Variants in ROBO1 observed in about 807,000 individuals in gnomAD.
ROBO1 encodes the protein roundabout homolog 1.
In ROBO1, 149 loss-of-function variants were observed where a neutral mutation model predicts 195.9. The observed-to-expected ratio is 0.76, with a 90% CI of 0.67 to 0.87. The LOEUF is 0.87. Ranked by LOEUF, ROBO1 falls within the 40% of genes least tolerant of loss-of-function variation. The pLI, the probability that ROBO1 is intolerant of heterozygous loss-of-function variation, is 0.00. For synonymous variants in ROBO1, 816 were observed against 733.2 expected (o/e 1.11, Z -1.82); for missense variants, 1,933 against 2,068.3 (o/e 0.93, Z 1.27).
intron 10 of ROBO1, among the ~76,000 whole-genome samples, chr3:78,679,315 G>A (rs2107780780): frequency 6.6e-6 from 1 of 152,194 alleles, no homozygotes; most frequent in East Asian, 1.9e-4. Flanking sequence ...AGTGTTGGAA[G>A]TTCTGGCCAG....
chr3:79,713,090 TATTTTAAGA>T (rs1702339281), intron 1 of ROBO1, among the ~76,000 whole-genome samples: 1 of 143,862 alleles, frequency 7.0e-6, no homozygotes, highest in African/African-American at 2.6e-5. Context: ...CCCACTTGAG[TATTTTAAGA>T]CCACTGTTGA....
chr3:79,568,299 A>C (rs1051669273), intron 2 of ROBO1, among the ~76,000 whole-genome samples: 5 of 152,168 alleles, frequency 3.3e-5, no homozygotes, highest in African/African-American at 4.8e-5. Context: ...GAGTACCCTT[A>C]TAAAGGGGCA....
chr3:79,705,087 T>C (rs986853741), intron 1 of ROBO1, among the ~76,000 whole-genome samples: 4 of 152,054 alleles, frequency 2.6e-5, no homozygotes, highest in Admixed American at 6.6e-5. Flanking sequence ...ACAATAATCC[T>C]TTTCAGATTT....
At chr3:79,382,453 G>A in intron 2 of ROBO1, among the ~76,000 whole-genome samples, 1 of 151,806 alleles carries the variant, frequency 6.6e-6, no homozygotes, top group East Asian at 1.9e-4. Context: ...AGATATTCAA[G>A]AGTCTTGAAT....
Position 78,842,158 on chromosome 3 carries a change from G to A in ROBO1, c.500-95258C>T, listed in dbSNP as rs1326424985. 1.0e-4 allele frequency among the ~76,000 whole-genome samples: 12 copies of A among 114,816 alleles called. 1 individual carries two copies. The highest frequency in any genetic ancestry group is 2.7e-4 in the African/African-American group (8 of 29,790). 75.3% of individuals were successfully genotyped at this position (114,816 alleles called of 152,430 possible). On this transcript the variant is annotated intron_variant, in intron 4 of 30. Transcript: ENST00000464233. ...CAATTTGTTTTTTTTTTTTTTTTGC[G>A]CACACACACACGTACTATATATATA...
In ROBO1 at chr3:78,670,106, C is replaced by G; in HGVS notation, c.1538G>C (p.Arg513Pro). Residue 513 changes from arginine to proline, a missense_variant, in exon 11 of 31, where the codon CGA becomes CCA. By Grantham distance (103) the Arg-to-Pro change is moderately radical. Transcript: ENST00000464233. ...GCCATTCCAAGTTACCTTAGCATAT[C>G]GGATCTGCAGTACTCCATTCTCCAA... Reference protein sequence around the residue: ...KQLENGVLQIRYAKLGDTGRY... With the variant: ...KQLENGVLQIPYAKLGDTGRY... The G allele has an allele frequency of 6.2e-7, 1 of 1,604,618 alleles. No homozygotes were observed. The highest frequency in any genetic ancestry group is 1.1e-5 in the South Asian group (1 of 90,382).
chr3:79,474,556 A>G (rs1938448565), intron 2 of ROBO1, among the ~76,000 whole-genome samples: 1 of 152,140 alleles, frequency 6.6e-6, no homozygotes, highest in South Asian at 2.1e-4. Context: ...AATGTTAGGC[A>G]GCATTAGCTA....
At chr3:79,468,343 T>C (rs1938084176) in intron 2 of ROBO1, among the ~76,000 whole-genome samples, 1 of 152,160 alleles carries the variant, frequency 6.6e-6, no homozygotes, top group Non-Finnish European at 1.5e-5. Flanking sequence ...ACTATAATTA[T>C]CCATATTCTA....
At chr3:79,468,753 A>G (rs1938107087) in intron 2 of ROBO1, among the ~76,000 whole-genome samples, 1 of 152,138 alleles carries the variant, frequency 6.6e-6, no homozygotes, top group Admixed American at 6.6e-5. Context: ...CTGGAATTGG[A>G]TTTGTACAGA....
chr3:79,186,680 G>A (rs1217751842), intron 2 of ROBO1, among the ~76,000 whole-genome samples: 1 of 152,118 alleles, frequency 6.6e-6, no homozygotes, highest in African/African-American at 2.4e-5. Context: ...AGTGAAATGT[G>A]AGCAGAAGAT....
intron 1 of ROBO1, among the ~76,000 whole-genome samples, chr3:79,597,432 T>G (rs890618259): frequency 1.3e-5 from 2 of 152,150 alleles, no homozygotes; most frequent in East Asian, 3.9e-4. Context: ...TATTTTAAAA[T>G]GGCATACACA....
intron 12 of ROBO1, 72 bp from the exon 13 acceptor site, chr3:78,668,374 C>A: frequency 6.3e-7 from 1 of 1,588,366 alleles, no homozygotes; most frequent in Non-Finnish European, 8.6e-7. Flanking sequence ...ATGCAGATAA[C>A]ATATTCATAC....
intron 2 of ROBO1, among the ~76,000 whole-genome samples, chr3:79,497,832 T>C (rs1939833034): frequency 6.6e-6 from 1 of 152,210 alleles, no homozygotes; most frequent in Non-Finnish European, 1.5e-5. Context: ...AATTAATTTG[T>C]TGTAGTTGAT....
chr3:79,244,127 C>T (rs765062002), intron 2 of ROBO1, among the ~76,000 whole-genome samples: 4 of 152,062 alleles, frequency 2.6e-5, no homozygotes, highest in African/African-American at 4.8e-5. Flanking sequence ...TTTGAACCCA[C>T]GGTTGTCAGA....
At chr3:79,501,240 C>T (rs1278445260) in intron 2 of ROBO1, among the ~76,000 whole-genome samples, 6 of 152,100 alleles carry the variant, frequency 3.9e-5, no homozygotes, top group Non-Finnish European at 2.9e-5. Flanking sequence ...AATGGATGGT[C>T]CTCAAAGTCT....
chr3:79,237,323 A>G (rs1041224624), intron 2 of ROBO1, among the ~76,000 whole-genome samples: 4 of 152,112 alleles, frequency 2.6e-5, no homozygotes, highest in Non-Finnish European at 5.9e-5. Context: ...TCTACTAAAA[A>G]TACAAAAAAT....
At chr3:78,829,168 T>C (rs1415833595) in intron 4 of ROBO1, among the ~76,000 whole-genome samples, 1 of 152,136 alleles carries the variant, frequency 6.6e-6, no homozygotes, top group Non-Finnish European at 1.5e-5. Context: ...GATAATAAAT[T>C]TGTAATTACA....
chr3:78,916,442 T>C (rs2038594981), intron 4 of ROBO1, among the ~76,000 whole-genome samples: 1 of 143,592 alleles, frequency 7.0e-6, no homozygotes, highest in African/African-American at 2.6e-5. Flanking sequence ...CTCCCAGCTA[T>C]TCAGGAGGCT....
chr3:79,498,754 TGAGGCAGGAGAATCACTTGAACCCGG>T (rs1939888842), intron 2 of ROBO1, among the ~76,000 whole-genome samples: 1 of 151,676 alleles, frequency 6.6e-6, no homozygotes, highest in African/African-American at 2.4e-5. Context: ...CTCGGGAGGC[TGAGGCAGGAGAATCACTTGAACCCGG>T]GAGGCAGAGG....
Sources: allele counts gnomAD v4.1 joint callset (sites outside exome capture counted in the v4.1 genomes callset), GRCh38; gene constraint gnomAD v4.1.1; transcripts MANE v1.5; gene names NCBI Gene and HGNC (gene_info 2026-07-23, HGNC 2026-07-21).